The following CDK14 variants were observed in gnomAD, a reference collection of about 807,000 sequenced individuals.
CDK14 encodes the protein cyclin-dependent kinase 14.
In CDK14, 34 loss-of-function variants were observed where a neutral mutation model predicts 60.7. That is an observed-to-expected ratio of 0.56 (90% CI 0.43 to 0.75). CDK14 has a LOEUF of 0.75. CDK14 is among the 30% of genes least tolerant of loss of function. The pLI is 0.00. For missense variants in CDK14, 482 were observed against 564.1 expected (o/e 0.85, Z 1.47); for synonymous variants, 197 against 203.7 (o/e 0.97, Z 0.28).
At chr7:91,150,121 A>C (rs1800788908) in intron 14 of CDK14, among the ~76,000 whole-genome samples, 1 of 152,142 alleles carries the variant, frequency 6.6e-6, no homozygotes, top group Non-Finnish European at 1.5e-5. Flanking sequence ...TGTGTTCAAG[A>C]TGCTGACTGG....
intron 2 of CDK14, chr7:90,709,577 G>A: frequency 6.2e-7 from 1 of 1,613,228 alleles, no homozygotes; most frequent in Non-Finnish European, 8.5e-7. Flanking sequence ...CTGCTGCAGA[G>A]CCCGGTTACT....
chr7:90,629,248 ACTC>A (rs1003649153), intron 2 of CDK14, among the ~76,000 whole-genome samples: 8 of 152,100 alleles, frequency 5.3e-5, no homozygotes, highest in Non-Finnish European at 1.0e-4. Context: ...TAGTTCACAA[ACTC>A]CTCAAGTCTG....
chr7:90,860,170 T>C (rs1367446014), intron 5 of CDK14, among the ~76,000 whole-genome samples: 1 of 152,124 alleles, frequency 6.6e-6, no homozygotes, highest in Non-Finnish European at 1.5e-5. Context: ...ATATATTGAT[T>C]TAATAAAGGT....
At chr7:90,913,594 T>C (rs1369148913) in intron 7 of CDK14, among the ~76,000 whole-genome samples, 1 of 152,206 alleles carries the variant, frequency 6.6e-6, no homozygotes, top group Non-Finnish European at 1.5e-5. Flanking sequence ...TGAATGCTTT[T>C]AGGGGTGTGG....
At chr7:91,178,032 G>A (rs1801838484) in intron 14 of CDK14, among the ~76,000 whole-genome samples, 1 of 100,092 alleles carries the variant, frequency 1.0e-5, no homozygotes, top group African/African-American at 3.9e-5. Context: ...AACAAAGCTG[G>A]AGGCATCACA....
At chr7:90,687,755 C>T (rs1801467837) in intron 2 of CDK14, among the ~76,000 whole-genome samples, 1 of 151,998 alleles carries the variant, frequency 6.6e-6, no homozygotes, top group South Asian at 2.1e-4. Context: ...ACCTTTAAAA[C>T]CTGTTTACAT....
rs184532802 is a variant in CDK14 at position 91,018,758 on chromosome 7, G to A, written c.1042-27139G>A. On this transcript the variant is annotated intron_variant, in intron 10 of 14. Transcript: ENST00000380050. ...TCCTCCTGCTCTAGTCACGTAAAAC[G>A]TGCCTGCTTCCCCTTCATGTTCCTC... Among the ~76,000 whole-genome samples the A allele has an allele frequency of 1.1e-3, 171 of 152,242 alleles. 2 individuals carry two copies. The highest frequency in any genetic ancestry group is 3.9e-3 in the African/African-American group (161 of 41,544).
chr7:91,138,413 C>T (rs892036081), intron 14 of CDK14, among the ~76,000 whole-genome samples: 4 of 152,088 alleles, frequency 2.6e-5, no homozygotes, highest in African/African-American at 9.7e-5. Context: ...AAGGGACACA[C>T]ACCTAAATAG....
At chr7:90,755,377 A>G (rs1482742720) in intron 4 of CDK14, among the ~76,000 whole-genome samples, 2 of 152,174 alleles carry the variant, frequency 1.3e-5, no homozygotes, top group Non-Finnish European at 2.9e-5. Context: ...AAAACCAAAT[A>G]TTGCATGTTT....
chr7:90,633,341 G>A (rs1005127937), intron 2 of CDK14, among the ~76,000 whole-genome samples: 8 of 152,096 alleles, frequency 5.3e-5, no homozygotes, highest in Admixed American at 2.6e-4. Flanking sequence ...TGGCTTATGC[G>A]TAAGTTAGAA....
intron 2 of CDK14, among the ~76,000 whole-genome samples, chr7:90,627,729 A>G (rs936951463): frequency 6.6e-6 from 1 of 152,182 alleles, no homozygotes; most frequent in Non-Finnish European, 1.5e-5. Flanking sequence ...GCACCTAAAC[A>G]GGTGCTACTG....
intron 14 of CDK14, among the ~76,000 whole-genome samples, chr7:91,138,688 A>G (rs1012070428): frequency 3.9e-5 from 6 of 152,158 alleles, no homozygotes; most frequent in Non-Finnish European, 8.8e-5. Flanking sequence ...TAGATTTTAT[A>G]TATATTAATG....
At chr7:91,166,364 G>C (rs1801346498) in intron 14 of CDK14, among the ~76,000 whole-genome samples, 1 of 152,124 alleles carries the variant, frequency 6.6e-6, no homozygotes, top group Admixed American at 6.5e-5. Context: ...AGGAGCTACT[G>C]GCTTCAGAAT....
At chr7:90,695,364 A>G (rs781512413) in intron 2 of CDK14, among the ~76,000 whole-genome samples, 6 of 152,230 alleles carry the variant, frequency 3.9e-5, no homozygotes, top group Non-Finnish European at 8.8e-5. Flanking sequence ...TAAAAGTAAT[A>G]AACAATTGAA....
At position 90,997,332 on chromosome 7, in the gene CDK14, C is replaced by A. The variant is rs555287104; in HGVS notation, c.1041+13091C>A. On this transcript the variant is annotated intron_variant, in intron 10 of 14. Transcript: ENST00000380050. The stretch of plus-strand genomic sequence containing the variant: ...GTGATGACAGAATTATTGCAGAGGC[C>A]AAGGACATTTCTTGAACTTCTCTGT... Among the ~76,000 whole-genome samples the A allele has an allele frequency of 1.4e-4, 22 of 152,278 alleles. 1 individual carries two copies. The highest frequency in any genetic ancestry group is 2.4e-4 in the Non-Finnish European group (16 of 68,016).
chr7:91,032,217 CA>C (rs1217918535), intron 10 of CDK14, among the ~76,000 whole-genome samples: 1 of 152,126 alleles, frequency 6.6e-6, no homozygotes, highest in Non-Finnish European at 1.5e-5. Flanking sequence ...AATAGTAAAC[CA>C]GCTTATGAGA....
At chr7:90,669,194 C>G (rs1801051104) in intron 2 of CDK14, among the ~76,000 whole-genome samples, 1 of 152,082 alleles carries the variant, frequency 6.6e-6, no homozygotes, top group African/African-American at 2.4e-5. Context: ...GGTAGTAGTG[C>G]AATCAGAGTC....
In CDK14 at chr7:91,186,440, G is replaced by C. The variant is rs564867377; in HGVS notation, c.*29-20725G>C. Among the ~76,000 whole-genome samples the C allele has an allele frequency of 1.8e-4, 27 of 151,234 alleles. No individual in the cohort carries two copies. In the South Asian group the frequency reaches 5.3e-3, roughly 30 times the overall value. Reference sequence around the variant, plus strand: ...GAATAATGCTGCTATGAACATTAAAGTGGCTGCATAGTTTTACATCCCCAC... The same window carrying C: ...GAATAATGCTGCTATGAACATTAAACTGGCTGCATAGTTTTACATCCCCAC... On this transcript the variant is annotated intron_variant, in intron 14 of 14. Coordinates refer to ENST00000380050, the MANE Select transcript of CDK14 (RefSeq NM_001287135.2).
At chr7:90,805,439 C>CAA (rs981702418) in intron 5 of CDK14, among the ~76,000 whole-genome samples, 1 of 150,352 alleles carries the variant, frequency 6.7e-6, no homozygotes, top group African/African-American at 2.4e-5. Context: ...TTTCTCAACA[C>CAA]ACACACACAC....
Sources: gnomAD v4.1 joint callset for allele counts (sites outside exome capture counted in the v4.1 genomes callset) on GRCh38, gnomAD v4.1.1 for gene constraint, MANE v1.5 for transcripts, NCBI Gene and HGNC (gene_info 2026-07-23, HGNC 2026-07-21) for gene names.